Variants in ENPP6 observed in about 807,000 individuals in gnomAD.
ENPP6 encodes the protein glycerophosphocholine cholinephosphodiesterase ENPP6.
In ENPP6, 32 loss-of-function variants were observed where a neutral mutation model predicts 42.0. That is an observed-to-expected ratio of 0.76 (90% CI 0.58 to 1.02). The LOEUF (loss-of-function observed/expected upper bound fraction) is 1.02. Among genes scored for constraint, ENPP6 ranks in the 50% least tolerant of loss-of-function variants. The probability of loss-of-function intolerance (pLI) is 0.00; values close to 1 mark genes in which losing one functional copy is unlikely to be tolerated. For synonymous variants in ENPP6, 213 were observed against 216.0 expected, an observed-to-expected ratio of 0.99 and a Z score of 0.12; for missense variants, 552 against 566.8, an observed-to-expected ratio of 0.97 and a Z score of 0.27.
At chr4:184,103,916 A>C (rs1465752421) in intron 6 of ENPP6, among the ~76,000 whole-genome samples, 3 of 152,218 alleles carry the variant, frequency 2.0e-5, no homozygotes, top group Non-Finnish European at 4.4e-5. Context: ...AAATGCAGGC[A>C]GCCAAGTCAG....
chr4:184,154,541 A>G (rs1336335050), intron 1 of ENPP6, among the ~76,000 whole-genome samples: 1 of 152,152 alleles, frequency 6.6e-6, no homozygotes, highest in African/African-American at 2.4e-5. Flanking sequence ...CTCCCTAACT[A>G]TGCTTAATCA....
intron 1 of ENPP6, among the ~76,000 whole-genome samples, chr4:184,167,185 G>C (rs922564751): frequency 6.6e-6 from 1 of 152,056 alleles, no homozygotes; most frequent in Non-Finnish European, 1.5e-5. Flanking sequence ...GTGCGATCTC[G>C]GCTCACTGCA....
chr4:184,133,737 G>A (rs1383388727), intron 2 of ENPP6, among the ~76,000 whole-genome samples: 1 of 151,880 alleles, frequency 6.6e-6, no homozygotes, highest in East Asian at 1.9e-4. Context: ...CACACTAAGG[G>A]TGCAGTGTAC....
At chr4:184,114,373 G>A (rs1022722424) in intron 5 of ENPP6, among the ~76,000 whole-genome samples, 5 of 152,098 alleles carry the variant, frequency 3.3e-5, no homozygotes, top group African/African-American at 1.2e-4. Context: ...TATATTTCTG[G>A]GCATCACTGA....
chr4:184,097,952 A>T (rs560423319), intron 6 of ENPP6, among the ~76,000 whole-genome samples: 4 of 152,086 alleles, frequency 2.6e-5, no homozygotes, highest in African/African-American at 9.6e-5. Context: ...TGATTTCCTC[A>T]CTCACGTCTG....
At chr4:184,148,643 G>C (rs1454551680) in intron 2 of ENPP6, among the ~76,000 whole-genome samples, 1 of 152,176 alleles carries the variant, frequency 6.6e-6, no homozygotes, top group Non-Finnish European at 1.5e-5. Context: ...AGATCTTGCC[G>C]AAGTTACTGA....
chr4:184,147,067 G>T (rs1736939515), intron 2 of ENPP6, among the ~76,000 whole-genome samples: 1 of 152,094 alleles, frequency 6.6e-6, no homozygotes, highest in Non-Finnish European at 1.5e-5. Flanking sequence ...ACGTCCCAGA[G>T]CCAACTCCGA....
rs201803728 is a variant in ENPP6, at chr4:184,091,246, G to C, written c.1254C>G (p.Ala418=). The C allele has an allele frequency of 6.3e-7, 1 of 1,599,908 alleles. No homozygotes were observed. Among genetic ancestry groups the C allele is most frequent in the Non-Finnish European group, 8.5e-7 (1 of 1,173,044 alleles). The change falls in exon 8 of 8, where the codon GCC becomes GCG. Residue 418 remains alanine (A), a synonymous_variant. Coordinates refer to ENST00000296741, the MANE Select transcript of ENPP6 (RefSeq NM_153343.4). ...SRVMCMLKGR[A]STAPPVWPSH... ...TGGGCCAGACAGGCGGGGCAGTGCT[G>C]GCGCGGCCCTTCAGCATGCACATCA... is the stretch of plus-strand genomic sequence containing the variant.
intron 1 of ENPP6, among the ~76,000 whole-genome samples, chr4:184,208,056 C>T (rs981390518): frequency 6.6e-6 from 1 of 152,194 alleles, no homozygotes; most frequent in Non-Finnish European, 1.5e-5. Context: ...TGGTTACATT[C>T]TGAGGTACTG....
intron 3 of ENPP6, among the ~76,000 whole-genome samples, chr4:184,123,882 C>T (rs1736458643): frequency 6.6e-6 from 1 of 152,172 alleles, no homozygotes; most frequent in Non-Finnish European, 1.5e-5. Flanking sequence ...GAAATGATGA[C>T]ATTTATATTG....
chr4:184,101,635 G>A (rs1379500126), intron 6 of ENPP6, among the ~76,000 whole-genome samples: 2 of 152,142 alleles, frequency 1.3e-5, no homozygotes, highest in Non-Finnish European at 2.9e-5. Flanking sequence ...GCAGCTGAGA[G>A]GGTTTCAGGG....
intron 3 of ENPP6, 43 bp from the exon 4 acceptor site, chr4:184,117,943 G>C (rs1420313621): frequency 1.3e-6 from 2 of 1,597,162 alleles, no homozygotes; most frequent in South Asian, 2.2e-5. Flanking sequence ...GGAGGCCCCC[G>C]CCAGCTTGCT....
chr4:184,106,203 T>C (rs750103426), intron 6 of ENPP6, among the ~76,000 whole-genome samples: 1 of 152,018 alleles, frequency 6.6e-6, no homozygotes, highest in Non-Finnish European at 1.5e-5. Context: ...CCCGGTTAAT[T>C]TTTGTATTTT....
chr4:184,188,950 G>T (rs1346325216), intron 1 of ENPP6, among the ~76,000 whole-genome samples: 1 of 152,150 alleles, frequency 6.6e-6, no homozygotes, highest in East Asian at 1.9e-4. Context: ...GACAGATAAG[G>T]TGATTAAGCA....
In ENPP6 at chr4:184,090,707, G is replaced by C. The variant is rs1377804799; in HGVS notation, c.*470C>G. On this transcript the variant is annotated 3_prime_UTR_variant, in exon 8 of 8. Transcript: ENST00000296741. Reference sequence around the variant, plus strand: ...TTTCATGTAGACCTCCTTTTATCAGGGATGGAAGGAACAGTACAGGATTGT... The same window carrying C: ...TTTCATGTAGACCTCCTTTTATCAGCGATGGAAGGAACAGTACAGGATTGT... 3.4e-6 allele frequency: 1 copy of C among 292,810 alleles called. No individual in the cohort carries two copies. Among genetic ancestry groups the C allele is most frequent in the Non-Finnish European group, 6.3e-6 (1 of 159,416 alleles). The allele number at this position is 292,810 out of a possible 1,614,324, so 18.1% of individuals were successfully genotyped here. A position where few individuals can be genotyped will look rare whatever the true frequency, so the allele number is the denominator to read the frequency against.
chr4:184,203,613 C>T (rs1169398920), intron 1 of ENPP6, among the ~76,000 whole-genome samples: 9 of 152,150 alleles, frequency 5.9e-5, no homozygotes, highest in African/African-American at 9.7e-5. Flanking sequence ...ATGTATCTAC[C>T]GGCCAAGGAA....
At chr4:184,157,919 C>T (rs1164957711) in intron 1 of ENPP6, among the ~76,000 whole-genome samples, 1 of 152,036 alleles carries the variant, frequency 6.6e-6, no homozygotes, top group Admixed American at 6.6e-5. Context: ...TGTGCCCAGC[C>T]AAGTTTCTCT....
intron 1 of ENPP6, among the ~76,000 whole-genome samples, chr4:184,159,706 G>A (rs1461111864): frequency 6.6e-6 from 1 of 151,996 alleles, no homozygotes; most frequent in East Asian, 1.9e-4. Flanking sequence ...TGGTTGTGTG[G>A]ATAAGTTCTT....
At chr4:184,149,312 C>T (rs976906696) in intron 2 of ENPP6, among the ~76,000 whole-genome samples, 21 of 152,198 alleles carry the variant, frequency 1.4e-4, no homozygotes, top group African/African-American at 5.1e-4. Flanking sequence ...CCTACCATGG[C>T]AGGAAAGAGA....
Sources: allele counts gnomAD v4.1 joint callset (sites outside exome capture counted in the v4.1 genomes callset), GRCh38; gene constraint gnomAD v4.1.1; transcripts MANE v1.5; gene names NCBI Gene and HGNC (gene_info 2026-07-23, HGNC 2026-07-21).